Variants in SCAF11 observed in about 807,000 individuals in gnomAD.
SCAF11 encodes SR-related CTD associated factor 11.
SCAF11 carries 47 observed loss-of-function variants against 140.5 expected under a neutral mutation model. That is an observed-to-expected ratio of 0.33 (90% confidence interval 0.26 to 0.43). The LOEUF is 0.43. SCAF11 is among the 20% of genes least tolerant of loss of function. The pLI is 1.00. For synonymous variants in SCAF11, 557 were observed against 579.4 expected, an observed-to-expected ratio of 0.96 and a Z score of 0.55; for missense variants, 1,645 against 1,705.1, an observed-to-expected ratio of 0.96 and a Z score of 0.62.
At chr12:45,943,451 T>C (rs946261447) in intron 6 of SCAF11, among the ~76,000 whole-genome samples, 48 of 152,170 alleles carry the variant, frequency 3.2e-4, no homozygotes, top group Admixed American at 3.1e-3. Flanking sequence ...CACCTAACTT[T>C]TATTACAGTA....
chr12:45,952,667 A>G (rs954873299), intron 3 of SCAF11, among the ~76,000 whole-genome samples: 1 of 152,170 alleles, frequency 6.6e-6, no homozygotes, highest in African/African-American at 2.4e-5. Context: ...AAACTACTAA[A>G]TATTTGTGTA....
At chr12:45,934,680 G>T (rs1403446141) in intron 6 of SCAF11, among the ~76,000 whole-genome samples, 175 bp from the exon 7 acceptor site, 1 of 152,004 alleles carries the variant, frequency 6.6e-6, no homozygotes, top group Non-Finnish European at 1.5e-5. Context: ...ATCTTACCTT[G>T]TTAAGCTATT....
chr12:45,986,471 A>C (rs1004498531), intron 1 of SCAF11, among the ~76,000 whole-genome samples: 2 of 152,064 alleles, frequency 1.3e-5, no homozygotes, highest in African/African-American at 4.8e-5. Flanking sequence ...ACTACTAAAA[A>C]AGCCTGCTAA....
intron 1 of SCAF11, among the ~76,000 whole-genome samples, chr12:45,973,862 A>T (rs1387448969): frequency 2.6e-5 from 4 of 152,232 alleles, no homozygotes; most frequent in African/African-American, 9.6e-5. Context: ...GTCAGAAGAA[A>T]AACAATGTTA....
intron 6 of SCAF11, among the ~76,000 whole-genome samples, chr12:45,942,576 C>A (rs1407993430): frequency 6.6e-6 from 1 of 152,172 alleles, no homozygotes; most frequent in Non-Finnish European, 1.5e-5. Flanking sequence ...ATTCTAGCCA[C>A]ACTAACTTCC....
chr12:45,987,955 T>A lies in SCAF11; in HGVS notation c.-22+2398A>T, dbSNP rs76947267. Reference sequence around the variant, plus strand: ...GTCTATGTACTAGGATTTCATACATTAAGTTCATAGACACAACTTAAAAAA... The same window carrying A: ...GTCTATGTACTAGGATTTCATACATAAAGTTCATAGACACAACTTAAAAAA... On this transcript the variant is annotated intron_variant, in intron 1 of 14. Transcript: ENST00000369367. 1.6e-4 allele frequency among the ~76,000 whole-genome samples: 24 copies of A among 152,344 alleles called. No homozygotes were observed. In the East Asian group the frequency reaches 4.6e-3, roughly 29 times the overall value.
intron 1 of SCAF11, among the ~76,000 whole-genome samples, chr12:45,989,626 A>G (rs997111597): frequency 2.0e-5 from 3 of 152,200 alleles, no homozygotes; most frequent in African/African-American, 7.2e-5. Flanking sequence ...TAATGGTTCA[A>G]AATTCCTAGG....
At chr12:45,925,107 C>T in intron 11 of SCAF11, 33 bp from the exon 12 acceptor site, 4 of 1,533,998 alleles carry the variant, frequency 2.6e-6, no homozygotes, top group Non-Finnish European at 3.5e-6. Context: ...TGAAAAAAAT[C>T]ATGTTATAAA....
rs749660550 is a variant in SCAF11 at position 45,934,272 on chromosome 12, T to C, written c.536A>G (p.Asn179Ser). Reference sequence around the variant, plus strand: ...TCTGAAGCACTGATTTGTACTCCAATTTGATCTCTGAGGCTAGAAAAGTAA... The same window carrying C: ...TCTGAAGCACTGATTTGTACTCCAACTTGATCTCTGAGGCTAGAAAAGTAA... ...AIKINKPQRS[N>S]WSTNQCFRNF... Residue 179 changes from asparagine (N) to serine (S), a missense_variant, in exon 8 of 15, where the codon AAT (asparagine) becomes AGT (serine). Physicochemically the swap from Asn to Ser is conservative, Grantham distance 46. Transcript: ENST00000369367. 1.2e-6 allele frequency: 2 copies of C among 1,607,936 alleles called. No individual in the cohort carries two copies. The highest frequency in any genetic ancestry group is 2.2e-5 in the South Asian group (2 of 89,884).
At chr12:45,973,558 A>T (rs772137064) in intron 1 of SCAF11, among the ~76,000 whole-genome samples, 5 of 152,196 alleles carry the variant, frequency 3.3e-5, no homozygotes, top group African/African-American at 4.8e-5. Context: ...AGCTACTGAA[A>T]GTTACAAAGG....
chr12:45,956,983 A>T (rs1945705261), intron 3 of SCAF11, among the ~76,000 whole-genome samples: 2 of 152,208 alleles, frequency 1.3e-5, no homozygotes. Context: ...GATCTGAAAA[A>T]ATTAGCTACA....
intron 5 of SCAF11, 86 bp from the exon 6 acceptor site, chr12:45,945,399 A>C: frequency 1.3e-6 from 1 of 786,558 alleles, no homozygotes; most frequent in Non-Finnish European, 2.1e-6. Context: ...CCTCCATCAA[A>C]ATGAAATCTA....
intron 5 of SCAF11, among the ~76,000 whole-genome samples, chr12:45,945,907 G>A (rs1047865036): frequency 6.6e-6 from 1 of 151,614 alleles, no homozygotes; most frequent in African/African-American, 2.4e-5. Flanking sequence ...GCCCAGGCTG[G>A]TCTCAAACCC....
chr12:45,982,962 T>C (rs1167581407), intron 1 of SCAF11, among the ~76,000 whole-genome samples: 3 of 152,184 alleles, frequency 2.0e-5, no homozygotes, highest in Non-Finnish European at 4.4e-5. Context: ...AGATAGCATA[T>C]GCCAAGTGCC....
intron 10 of SCAF11, chr12:45,929,708 T>TA (rs1392049168): frequency 6.6e-6 from 1 of 152,200 alleles, no homozygotes; most frequent in Non-Finnish European, 1.5e-5. Context: ...GACTAACAGA[T>TA]AAAACTGTGT....
intron 10 of SCAF11, 38 bp from the exon 11 acceptor site, chr12:45,928,897 T>G: frequency 8.1e-7 from 1 of 1,232,262 alleles, no homozygotes; most frequent in Non-Finnish European, 1.1e-6. Context: ...GTAAAAAATA[T>G]GTTTTAAGAA....
At chr12:45,948,908 T>C (rs1945486632) in intron 4 of SCAF11, among the ~76,000 whole-genome samples, 1 of 152,064 alleles carries the variant, frequency 6.6e-6, no homozygotes, top group South Asian at 2.1e-4. Flanking sequence ...AAAAAAATAT[T>C]CTAGGTGGAG....
intron 1 of SCAF11, among the ~76,000 whole-genome samples, chr12:45,986,697 G>A (rs546329556): frequency 5.3e-5 from 8 of 152,298 alleles, no homozygotes; most frequent in African/African-American, 1.9e-4. Context: ...TGTTGTGGGA[G>A]CAACCTGTTG....
intron 5 of SCAF11, among the ~76,000 whole-genome samples, chr12:45,945,710 C>A (rs1945407367): frequency 6.6e-6 from 1 of 151,760 alleles, no homozygotes; most frequent in Non-Finnish European, 1.5e-5. Context: ...TTAATTTTTT[C>A]TATTTTTGCA....
Sources: allele counts gnomAD v4.1 joint callset (sites outside exome capture counted in the v4.1 genomes callset), GRCh38; gene constraint gnomAD v4.1.1; transcripts MANE v1.5; gene names NCBI Gene and HGNC (gene_info 2026-07-23, HGNC 2026-07-21).